Variants in OSBPL9 observed in about 807,000 individuals in gnomAD.
The protein encoded by OSBPL9 is oxysterol binding protein like 9.
OSBPL9 carries 40 observed loss-of-function variants against 106.6 expected under a neutral mutation model. That is an observed-to-expected ratio of 0.38 (90% CI 0.29 to 0.49). The LOEUF (loss-of-function observed/expected upper bound fraction) is 0.49, where lower values mean the gene tolerates loss of function less well. Among genes scored for constraint, OSBPL9 ranks in the 20% least tolerant of loss-of-function variants. OSBPL9 has a pLI of 0.97. For missense variants in OSBPL9, 609 were observed against 887.2 expected (o/e 0.69, Z 3.98); for synonymous variants, 269 against 295.4 (o/e 0.91, Z 0.92).
At chr1:51,652,077 G>C (rs1373545928) in intron 2 of OSBPL9, 36 bp downstream of exon 2, 1 of 1,492,254 alleles carries the variant, frequency 6.7e-7, no homozygotes, top group Non-Finnish European at 9.2e-7. Context: ...AATCAATTTT[G>C]ACAGAAGAAA....
the OSBPL9 span, among the ~76,000 whole-genome samples, chr1:51,569,102 C>G: frequency 2.0e-5 from 3 of 152,178 alleles, no homozygotes; most frequent in Non-Finnish European, 4.4e-5. Flanking sequence ...ATCTGGACTG[C>G]CCCAAGGAGG....
At chr1:51,704,148 C>T (rs1159438428) in intron 3 of OSBPL9, among the ~76,000 whole-genome samples, 1 of 152,190 alleles carries the variant, frequency 6.6e-6, no homozygotes, top group Non-Finnish European at 1.5e-5. Context: ...ATGCTGGCCT[C>T]ATAAAATGAG....
chr1:51,641,635 T>C (rs1422788762), intron 1 of OSBPL9, among the ~76,000 whole-genome samples: 3 of 152,338 alleles, frequency 2.0e-5, no homozygotes, highest in East Asian at 1.9e-4. Context: ...CTTTATTCTA[T>C]AGCCAGCAAA....
intron 3 of OSBPL9, among the ~76,000 whole-genome samples, chr1:51,688,374 G>A (rs190602620): frequency 3.3e-5 from 5 of 152,284 alleles, no homozygotes; most frequent in African/African-American, 1.2e-4. Context: ...GCCTATGCCT[G>A]TAATCTCAAT....
chr1:51,525,772 T>C, the OSBPL9 span, among the ~76,000 whole-genome samples: 57 of 152,250 alleles, frequency 3.7e-4, 1 homozygote, highest in Non-Finnish European at 6.5e-4. Flanking sequence ...GAATGATCTA[T>C]TTTTATTTAT....
At chr1:51,627,515 T>C (rs1644838194) in intron 1 of OSBPL9, among the ~76,000 whole-genome samples, 1 of 152,232 alleles carries the variant, frequency 6.6e-6, no homozygotes, top group Admixed American at 6.5e-5. Context: ...CTTACGCCTG[T>C]ACTATACTGT....
chr1:51,579,318 G>C (rs11205867), intron 1 of OSBPL9, among the ~76,000 whole-genome samples: 1 of 151,964 alleles, frequency 6.6e-6, no homozygotes, highest in East Asian at 1.9e-4. Flanking sequence ...TAATCTGTGC[G>C]TATGTGTATA....
chr1:51,673,025 T>A (rs1223461380), intron 3 of OSBPL9, among the ~76,000 whole-genome samples: 1 of 152,134 alleles, frequency 6.6e-6, no homozygotes, highest in East Asian at 1.9e-4. Context: ...TGGGAATAAA[T>A]GTTGAGAGAA....
intron 4 of OSBPL9, among the ~76,000 whole-genome samples, chr1:51,718,007 A>C (rs546726235): frequency 3.5e-4 from 54 of 152,314 alleles, no homozygotes; most frequent in African/African-American, 1.3e-3. Context: ...ATATAAACAC[A>C]ATGGAATACT....
At chr1:51,584,225 C>A (rs954736490) in intron 1 of OSBPL9, among the ~76,000 whole-genome samples, 5 of 152,122 alleles carry the variant, frequency 3.3e-5, no homozygotes, top group African/African-American at 1.2e-4. Context: ...GTCCTTGAGG[C>A]CGCTGATATT....
At chr1:51,766,790 G>A (rs2149087166) in intron 12 of OSBPL9, among the ~76,000 whole-genome samples, 1 of 152,208 alleles carries the variant, frequency 6.6e-6, no homozygotes, top group East Asian at 1.9e-4. Context: ...GTTTAGGGAG[G>A]CCAAGTGTGG....
In OSBPL9 at chr1:51,715,460, CAG is replaced by C. The variant is rs1447299831; in HGVS notation, c.318+1384_318+1385del. 8.5e-5 allele frequency among the ~76,000 whole-genome samples: 13 copies of C among 152,110 alleles called. 1 individual carries two copies. The highest frequency in any genetic ancestry group is 5.2e-4 in the Admixed American group (8 of 15,268). On this transcript the variant is annotated intron_variant, in intron 4 of 23. Coordinates refer to ENST00000428468, the MANE Select transcript of OSBPL9 (RefSeq NM_024586.6). Reference sequence around the variant, plus strand: ...TTGTTTGTTTTTTGTTTTTTTGAGACAGAGTCTCACTTTGTACCCCAGAAAGT... The same window carrying C: ...TTGTTTGTTTTTTGTTTTTTTGAGACAGTCTCACTTTGTACCCCAGAAAGT...
At chr1:51,761,768 A>C (rs1371134259) in intron 10 of OSBPL9, 99 bp from the exon 11 acceptor site, 1 of 915,974 alleles carries the variant, frequency 1.1e-6, no homozygotes, top group Non-Finnish European at 1.8e-6. Context: ...AGTTTCAAAA[A>C]TTACTGGCCT....
chr1:51,636,775 C>T (rs1645477377), intron 1 of OSBPL9, among the ~76,000 whole-genome samples: 1 of 151,912 alleles, frequency 6.6e-6, no homozygotes, highest in Non-Finnish European at 1.5e-5. Context: ...CAGAGTAACA[C>T]TCCATCTCTA....
intron 3 of OSBPL9, chr1:51,707,080 G>A (rs368819855): frequency 6.5e-5 from 15 of 232,332 alleles, no homozygotes; most frequent in African/African-American, 3.0e-4. Flanking sequence ...CAGCAGCTGA[G>A]GTCCTCTCTT....
At chr1:51,589,863 C>G (rs1213048585) in intron 1 of OSBPL9, among the ~76,000 whole-genome samples, 1 of 151,818 alleles carries the variant, frequency 6.6e-6, no homozygotes, top group East Asian at 1.9e-4. Context: ...GAAACCCCAT[C>G]TCTACTAAAA....
At chr1:51,741,054 G>A (rs1666788485) in intron 4 of OSBPL9, among the ~76,000 whole-genome samples, 1 of 152,166 alleles carries the variant, frequency 6.6e-6, no homozygotes, top group Non-Finnish European at 1.5e-5. Flanking sequence ...AGTATAAATA[G>A]TGTTTAATGT....
At chr1:51,665,805 G>A (rs1174526511) in intron 2 of OSBPL9, among the ~76,000 whole-genome samples, 1 of 152,070 alleles carries the variant, frequency 6.6e-6, no homozygotes, top group African/African-American at 2.4e-5. Flanking sequence ...TCTAAAGTAC[G>A]CAGCGAGAAA....
At chr1:51,555,734 AT>A in the OSBPL9 span, among the ~76,000 whole-genome samples, 1 of 150,110 alleles carries the variant, frequency 6.7e-6, no homozygotes, top group African/African-American at 2.4e-5. Context: ...TGCCCGGCTA[AT>A]TTTTTTTTGT....
Sources: allele counts gnomAD v4.1 joint callset (sites outside exome capture counted in the v4.1 genomes callset), GRCh38; gene constraint gnomAD v4.1.1; transcripts MANE v1.5; gene names NCBI Gene and HGNC (gene_info 2026-07-23, HGNC 2026-07-21).